Variants in DIS3L2 observed in about 807,000 individuals in gnomAD.
The protein encoded by DIS3L2 is DIS3 like 3'-5' exoribonuclease 2, also known as DIS3-like exonuclease 2.
Under a neutral mutation model 97.5 loss-of-function variants are expected in DIS3L2, and 34 were observed. The ratio of observed to expected loss-of-function variants is 0.35; its 90% CI spans 0.27 to 0.46. The LOEUF is 0.46. Ranked by LOEUF, DIS3L2 falls within the 20% of genes least tolerant of loss-of-function variation. The pLI is 1.00. For synonymous variants in DIS3L2, 435 were observed against 445.2 expected (o/e 0.98, Z 0.29); for missense variants, 1,038 against 1,146.0 (o/e 0.91, Z 1.36).
At chr2:231,977,691 G>C (rs1330927273) in intron 1 of DIS3L2, among the ~76,000 whole-genome samples, 1 of 152,188 alleles carries the variant, frequency 6.6e-6, no homozygotes, top group Non-Finnish European at 1.5e-5. Context: ...AATTTGCTCT[G>C]ACACTGCAAA....
At chr2:232,090,762 GT>G (rs1365713758) in intron 6 of DIS3L2, among the ~76,000 whole-genome samples, 4 of 152,012 alleles carry the variant, frequency 2.6e-5, no homozygotes, top group Non-Finnish European at 5.9e-5. Flanking sequence ...GTGTTTTTTT[GT>G]TTGTTTTTGC....
chr2:232,009,802 T>A (rs1694146982), intron 1 of DIS3L2, among the ~76,000 whole-genome samples: 1 of 152,224 alleles, frequency 6.6e-6, no homozygotes, highest in Admixed American at 6.5e-5. Flanking sequence ...CCAGTCTGGC[T>A]GTCTCATTCC....
At chr2:232,070,830 C>A (rs1216375323) in intron 5 of DIS3L2, among the ~76,000 whole-genome samples, 1 of 152,030 alleles carries the variant, frequency 6.6e-6, no homozygotes, top group Non-Finnish European at 1.5e-5. Flanking sequence ...TGATCTGCCC[C>A]CCTCGGCCTC....
chr2:232,308,515 A>G (rs10498261), intron 14 of DIS3L2, among the ~76,000 whole-genome samples: 23,477 of 152,178 alleles, frequency 0.15, 2,909 homozygotes, highest in African/African-American at 0.34. Context: ...TGAAACACAC[A>G]TCATTAAACT....
chr2:232,235,156 C>CTT (rs1157729386), intron 10 of DIS3L2, among the ~76,000 whole-genome samples: 6 of 152,232 alleles, frequency 3.9e-5, no homozygotes, highest in African/African-American at 1.4e-4. Flanking sequence ...CCGGGGGATC[C>CTT]TTCCTCTCTC....
intron 8 of DIS3L2, among the ~76,000 whole-genome samples, chr2:232,141,913 G>A (rs1690057654): frequency 6.6e-6 from 1 of 152,156 alleles, no homozygotes; most frequent in South Asian, 2.1e-4. Context: ...ACATTGAATT[G>A]TAATTAGTAG....
At chr2:231,962,680 C>T (rs1031461222) in intron 1 of DIS3L2, among the ~76,000 whole-genome samples, 1 of 152,100 alleles carries the variant, frequency 6.6e-6, no homozygotes, top group African/African-American at 2.4e-5. Flanking sequence ...CGTGATCCGC[C>T]CGCCTTGGCC....
chr2:232,079,088 A>G (rs999074405), intron 5 of DIS3L2, among the ~76,000 whole-genome samples: 4 of 152,194 alleles, frequency 2.6e-5, no homozygotes, highest in Non-Finnish European at 5.9e-5. Context: ...ATCAGGGAAG[A>G]TAGACTCTGA....
chr2:232,172,774 C>A, intron 9 of DIS3L2: 1 of 534,230 alleles, frequency 1.9e-6, no homozygotes, highest in Non-Finnish European at 3.8e-6. Context: ...TGCTCCATAT[C>A]CTAACACTTG....
At chr2:232,278,649 A>T (rs1694207905) in intron 13 of DIS3L2, among the ~76,000 whole-genome samples, 1 of 152,184 alleles carries the variant, frequency 6.6e-6, no homozygotes, top group South Asian at 2.1e-4. Flanking sequence ...ATCAGTGGTC[A>T]TTCCCTTTTG....
At chr2:232,256,249 C>T (rs1203044213) in intron 12 of DIS3L2, among the ~76,000 whole-genome samples, 1 of 152,240 alleles carries the variant, frequency 6.6e-6, no homozygotes. Context: ...CATCTCCTCT[C>T]ATGTCCTGGA....
intron 8 of DIS3L2, among the ~76,000 whole-genome samples, chr2:232,139,343 A>G (rs753095223): frequency 6.6e-6 from 1 of 152,222 alleles, no homozygotes; most frequent in Non-Finnish European, 1.5e-5. Flanking sequence ...TTCTACCTGC[A>G]CAACAGCACA....
At chr2:232,057,476 G>A (rs1039951799) in intron 5 of DIS3L2, among the ~76,000 whole-genome samples, 1 of 152,090 alleles carries the variant, frequency 6.6e-6, no homozygotes, top group African/African-American at 2.4e-5. Context: ...GATTATCTTT[G>A]TGGACCTGAC....
intron 14 of DIS3L2, among the ~76,000 whole-genome samples, chr2:232,327,314 C>T (rs1303025417): frequency 6.6e-6 from 1 of 152,220 alleles, no homozygotes. Context: ...AGCCCAGGGT[C>T]GGGCCTAAGG....
At chr2:232,176,564 T>C (rs563308346) in intron 9 of DIS3L2, among the ~76,000 whole-genome samples, 1 of 151,678 alleles carries the variant, frequency 6.6e-6, no homozygotes, top group South Asian at 2.1e-4. Context: ...GTTTATGTTA[T>C]TGAGTTCAGA....
chr2:232,128,829 G>C (rs917432007), intron 6 of DIS3L2, among the ~76,000 whole-genome samples: 13 of 152,094 alleles, frequency 8.5e-5, no homozygotes, highest in Non-Finnish European at 1.8e-4. Context: ...TTTCAACCTG[G>C]CATTGTGTTT....
chr2:232,149,505 T>C (rs1690336536), intron 8 of DIS3L2, among the ~76,000 whole-genome samples: 1 of 148,490 alleles, frequency 6.7e-6, no homozygotes, highest in Non-Finnish European at 1.5e-5. Context: ...ATTTCATCCA[T>C]GTCCCTACAA....
In DIS3L2 at chr2:232,238,514, C is replaced by T; in HGVS notation, c.1205-19C>T. The T allele has an allele frequency of 6.2e-7, 1 of 1,605,906 alleles. No homozygotes were observed. Among genetic ancestry groups the T allele is most frequent in the Non-Finnish European group, 8.5e-7 (1 of 1,173,268 alleles). On this transcript the variant is annotated intron_variant, in intron 10 of 20. Coordinates refer to ENST00000325385, the MANE Select transcript of DIS3L2 (RefSeq NM_152383.5). Reference sequence around the variant, plus strand: ...TGGCCTTCCACGCCAGCCTGATAGTCCTTCTCGTGCATTTACAGGCAACTT... The same window carrying T: ...TGGCCTTCCACGCCAGCCTGATAGTTCTTCTCGTGCATTTACAGGCAACTT...
chr2:232,328,078 A>G (rs946549098), intron 14 of DIS3L2, among the ~76,000 whole-genome samples: 10 of 152,220 alleles, frequency 6.6e-5, no homozygotes, highest in African/African-American at 2.2e-4. Context: ...AGTGGTGGGC[A>G]CAAGCACAGA....
Sources: gnomAD v4.1 joint callset for allele counts (sites outside exome capture counted in the v4.1 genomes callset) on GRCh38, gnomAD v4.1.1 for gene constraint, MANE v1.5 for transcripts, NCBI Gene and HGNC (gene_info 2026-07-23, HGNC 2026-07-21) for gene names.